The following ALCAM variants were observed in gnomAD, a reference collection of about 807,000 sequenced individuals.
ALCAM encodes CD166 antigen.
In ALCAM, 30 loss-of-function variants were observed where a neutral mutation model predicts 70.9. The ratio of observed to expected loss-of-function variants is 0.42; its 90% CI spans 0.32 to 0.57. The LOEUF is 0.57. Among genes scored for constraint, ALCAM ranks in the 20% least tolerant of loss-of-function variants. The pLI is 0.11. For synonymous variants in ALCAM, 249 were observed against 242.5 expected, an observed-to-expected ratio of 1.03 and a Z score of -0.25; for missense variants, 591 against 695.1, an observed-to-expected ratio of 0.85 and a Z score of 1.68.
chr3:105,574,842 A>G lies in ALCAM; in HGVS notation c.*391A>G, dbSNP rs557814994. 2 of 152,582 alleles carry G rather than the reference A, an allele frequency of 1.3e-5. No homozygotes were observed. The highest frequency in any genetic ancestry group is 3.9e-4 in the East Asian group (2 of 5,176). The allele number at this position is 152,582 out of a possible 1,614,324, so 9.5% of individuals were successfully genotyped here. A position where few individuals can be genotyped will look rare whatever the true frequency, so the allele number is the denominator to read the frequency against. ...ATCTGATGTATAATGTAATGTTTTT[A>G]TTTCAATTGTTTATATGGATAATCT... On this transcript the variant is annotated 3_prime_UTR_variant, in exon 16 of 16. Coordinates refer to ENST00000306107, the MANE Select transcript of ALCAM (RefSeq NM_001627.4).
intron 1 of ALCAM, among the ~76,000 whole-genome samples, chr3:105,371,541 T>C (rs1411821732): frequency 2.6e-5 from 4 of 152,058 alleles, no homozygotes; most frequent in Admixed American, 1.3e-4. Context: ...CTTTTTTCTT[T>C]TTCTCCGTCA....
chr3:105,514,216 C>G (rs955571743), intron 1 of ALCAM, among the ~76,000 whole-genome samples: 1 of 151,912 alleles, frequency 6.6e-6, no homozygotes, highest in African/African-American at 2.4e-5. Context: ...CTTCACAAAG[C>G]ACACCTAAAA....
At chr3:105,454,186 T>A (rs1459079793) in intron 1 of ALCAM, among the ~76,000 whole-genome samples, 1 of 152,168 alleles carries the variant, frequency 6.6e-6, no homozygotes, top group Admixed American at 6.5e-5. Context: ...TGACAAGTGT[T>A]TTGCTTTTGT....
intron 6 of ALCAM, among the ~76,000 whole-genome samples, chr3:105,536,774 G>A (rs1374441952): frequency 6.6e-6 from 1 of 152,126 alleles, no homozygotes; most frequent in African/African-American, 2.4e-5. Context: ...ATGCAAGGTT[G>A]TAAGGGTAAA....
chr3:105,518,978 TTTTA>T (rs1212385503), intron 1 of ALCAM, among the ~76,000 whole-genome samples: 39 of 152,172 alleles, frequency 2.6e-4, no homozygotes, highest in Non-Finnish European at 2.9e-5. Flanking sequence ...CAGAAGATGG[TTTTA>T]TTTATGTGTT....
At position 105,385,538 on chromosome 3, in the gene ALCAM, G is replaced by A. The variant is rs566142487; in HGVS notation, c.73+18057G>A. Among the ~76,000 whole-genome samples, 11 of 151,748 alleles carry A rather than the reference G, an allele frequency of 7.2e-5. No homozygotes were observed. The East Asian group carries it at 1.9e-3, about 27-fold the overall frequency. On this transcript the variant is annotated intron_variant, in intron 1 of 15. Transcript: ENST00000306107. ...TACTGCTTTGCCATGACGCTTAATT[G>A]ATAATACATTCTAGTAAGCCCAAAT...
At chr3:105,562,661 A>G (rs1940650675) in intron 14 of ALCAM, among the ~76,000 whole-genome samples, 1 of 152,220 alleles carries the variant, frequency 6.6e-6, no homozygotes. Context: ...AAATGGATCA[A>G]TAAAAGGGCC....
chr3:105,493,204 T>G (rs1484663296), intron 1 of ALCAM, among the ~76,000 whole-genome samples: 1 of 152,190 alleles, frequency 6.6e-6, no homozygotes, highest in Non-Finnish European at 1.5e-5. Flanking sequence ...GGTCTCTCAG[T>G]TCTCATCAAA....
rs146808944 is a variant in ALCAM, at chr3:105,513,084, C to G, written c.74-6983C>G. ...ATTGTATTCTTTCTGCCTATCCCCC[C>G]CAAAGCACCCCCTTCCCACGCATAC... is the stretch of plus-strand genomic sequence containing the variant. On this transcript the variant is annotated intron_variant, in intron 1 of 15. Transcript: ENST00000306107. Among the ~76,000 whole-genome samples, 19 of 146,276 alleles carry G rather than the reference C, an allele frequency of 1.3e-4. No homozygotes were observed. The East Asian group carries it at 2.3e-3, about 18-fold the overall frequency.
intron 1 of ALCAM, among the ~76,000 whole-genome samples, chr3:105,443,366 GT>G (rs1209099698): frequency 6.6e-6 from 1 of 152,032 alleles, no homozygotes; most frequent in Non-Finnish European, 1.5e-5. Flanking sequence ...TTTCCATTGT[GT>G]TGAAAACCAT....
At chr3:105,508,424 A>G (rs1939140528) in intron 1 of ALCAM, among the ~76,000 whole-genome samples, 1 of 152,116 alleles carries the variant, frequency 6.6e-6, no homozygotes, top group Non-Finnish European at 1.5e-5. Flanking sequence ...CTATTGGTAA[A>G]ATGAAGGATA....
At chr3:105,537,624 C>A (rs1308964545) in intron 6 of ALCAM, among the ~76,000 whole-genome samples, 5 of 152,098 alleles carry the variant, frequency 3.3e-5, no homozygotes, top group Non-Finnish European at 7.4e-5. Context: ...CATTTTCCCA[C>A]CTTTATCATT....
intron 1 of ALCAM, 141 bp from the exon 2 acceptor site, chr3:105,519,926 G>A (rs1939485816): frequency 3.8e-6 from 2 of 526,748 alleles, no homozygotes; most frequent in Middle Eastern, 3.0e-4. Context: ...CATACCTTTT[G>A]TATACCATTT....
intron 1 of ALCAM, among the ~76,000 whole-genome samples, chr3:105,489,801 T>C (rs1374667038): frequency 6.6e-6 from 1 of 151,656 alleles, no homozygotes; most frequent in Admixed American, 6.6e-5. Flanking sequence ...AAATGGAAGC[T>C]ACATTCTCTG....
intron 1 of ALCAM, among the ~76,000 whole-genome samples, chr3:105,383,239 C>T (rs4894923): frequency 1 from 151,835 of 151,858 alleles, 75,906 homozygotes; most frequent in Non-Finnish European, 1. Flanking sequence ...ATTGCCTATT[C>T]ATTCTTCTCT....
At chr3:105,453,190 G>C (rs1285738332) in intron 1 of ALCAM, among the ~76,000 whole-genome samples, 1 of 152,102 alleles carries the variant, frequency 6.6e-6, no homozygotes, top group East Asian at 1.9e-4. Context: ...TTCTTCCAGG[G>C]TTATTATAAT....
chr3:105,539,715 C>T (rs1172753108), intron 6 of ALCAM, among the ~76,000 whole-genome samples: 2 of 151,996 alleles, frequency 1.3e-5, no homozygotes, highest in African/African-American at 2.4e-5. Flanking sequence ...TAATTACCAC[C>T]ATTCCTACCT....
intron 11 of ALCAM, 74 bp from the exon 12 acceptor site, chr3:105,550,053 A>G: frequency 7.2e-7 from 1 of 1,385,390 alleles, no homozygotes; most frequent in Non-Finnish European, 9.9e-7. Flanking sequence ...ATCCTATTAC[A>G]GTCATCATTA....
intron 14 of ALCAM, among the ~76,000 whole-genome samples, chr3:105,562,214 A>G (rs760934338): frequency 1.3e-5 from 2 of 152,198 alleles, no homozygotes; most frequent in Non-Finnish European, 2.9e-5. Flanking sequence ...TAAAATTCCA[A>G]CTGTTTAGAT....
Sources: gnomAD v4.1 joint callset for allele counts (sites outside exome capture counted in the v4.1 genomes callset) on GRCh38, gnomAD v4.1.1 for gene constraint, MANE v1.5 for transcripts, NCBI Gene and HGNC (gene_info 2026-07-23, HGNC 2026-07-21) for gene names.